ZCCHC7: variants seen among roughly 807,000 people sequenced by gnomAD.
ZCCHC7 encodes zinc finger CCHC domain-containing protein 7.
In ZCCHC7, 35 loss-of-function variants were observed where a neutral mutation model predicts 52.0. The observed-to-expected ratio is 0.67, with a 90% CI of 0.51 to 0.89. The LOEUF (loss-of-function observed/expected upper bound fraction) is 0.89. Among genes scored for constraint, ZCCHC7 ranks in the 40% least tolerant of loss-of-function variants. ZCCHC7 has a pLI of 0.00. For missense variants in ZCCHC7, 574 were observed against 649.1 expected, an observed-to-expected ratio of 0.88 and a Z score of 1.26; for synonymous variants, 217 against 221.5, an observed-to-expected ratio of 0.98 and a Z score of 0.18.
At chr9:37,154,674 A>T (rs1820714505) in intron 2 of ZCCHC7, among the ~76,000 whole-genome samples, 3 of 67,732 alleles carry the variant, frequency 4.4e-5, no homozygotes, top group Admixed American at 3.5e-4. Flanking sequence ...TTTTTTTTTT[A>T]AATAGGGACG....
intron 2 of ZCCHC7, among the ~76,000 whole-genome samples, chr9:37,163,400 A>AG (rs1821224164): frequency 6.6e-6 from 1 of 151,540 alleles, no homozygotes; most frequent in East Asian, 1.9e-4. Flanking sequence ...AAAAAAAAAA[A>AG]AAAAGAAAAG....
chr9:37,302,284 G>T, intron 3 of ZCCHC7, 53 bp downstream of exon 3: 1 of 1,409,500 alleles, frequency 7.1e-7, no homozygotes, highest in Middle Eastern at 1.8e-4. Context: ...TTGCTTCATA[G>T]TTTATTATGA....
chr9:37,209,793 G>A (rs1032772859), intron 2 of ZCCHC7, among the ~76,000 whole-genome samples: 5 of 152,084 alleles, frequency 3.3e-5, no homozygotes, highest in African/African-American at 1.2e-4. Context: ...GTTAGGTAGG[G>A]GTGTGTTCTG....
chr9:37,260,500 C>T (rs781372952), intron 2 of ZCCHC7, among the ~76,000 whole-genome samples: 29 of 152,152 alleles, frequency 1.9e-4, no homozygotes, highest in East Asian at 3.8e-4. Flanking sequence ...GACAAAGGAC[C>T]GTTCAACTAA....
chr9:37,264,431 G>A (rs972641648), intron 2 of ZCCHC7, among the ~76,000 whole-genome samples: 1 of 150,582 alleles, frequency 6.6e-6, no homozygotes. Context: ...TATCAAACCT[G>A]TGTACTGATG....
intron 2 of ZCCHC7, among the ~76,000 whole-genome samples, chr9:37,170,391 A>T (rs930050954): frequency 1.3e-5 from 2 of 152,228 alleles, no homozygotes; most frequent in African/African-American, 2.4e-5. Context: ...TAAGAGTAGC[A>T]AATAGGTTTC....
At chr9:37,196,215 CA>C (rs1823277481) in intron 2 of ZCCHC7, among the ~76,000 whole-genome samples, 1 of 152,134 alleles carries the variant, frequency 6.6e-6, no homozygotes, top group African/African-American at 2.4e-5. Flanking sequence ...TTCTCTGGGT[CA>C]CTCTGTCCAG....
chr9:37,355,337 TATC>T (rs1821630403), intron 8 of ZCCHC7, among the ~76,000 whole-genome samples: 2 of 152,242 alleles, frequency 1.3e-5, no homozygotes, highest in South Asian at 4.1e-4. Flanking sequence ...ATTAATATCT[TATC>T]ATTTAAGTTT....
At chr9:37,138,865 T>C (rs1195380969) in intron 2 of ZCCHC7, among the ~76,000 whole-genome samples, 1 of 151,960 alleles carries the variant, frequency 6.6e-6, no homozygotes, top group East Asian at 1.9e-4. Context: ...CATATAGTGA[T>C]CACTTATCTA....
intron 2 of ZCCHC7, among the ~76,000 whole-genome samples, chr9:37,199,682 GTCTGTCTTTCTGTCTGTCTTTCTT>G (rs1823512530): frequency 1.5e-5 from 1 of 68,190 alleles, no homozygotes; most frequent in Non-Finnish European, 3.6e-5. Context: ...CTCTCTGTCT[GTCTGTCTTTCTGTCTGTCTTTCTT>G]TCTGTCTTTC....
intron 2 of ZCCHC7, among the ~76,000 whole-genome samples, chr9:37,200,579 T>C (rs764926721): frequency 7.2e-5 from 11 of 152,242 alleles, no homozygotes; most frequent in Admixed American, 3.3e-4. Flanking sequence ...ATGGCTGATG[T>C]GCAACTGTTG....
At chr9:37,351,940 T>C (rs1245833544) in intron 7 of ZCCHC7, among the ~76,000 whole-genome samples, 1 of 152,194 alleles carries the variant, frequency 6.6e-6, no homozygotes, top group African/African-American at 2.4e-5. Flanking sequence ...TAATTTACAA[T>C]AAAGCAAATT....
rs1588463241 is a variant in ZCCHC7 at position 37,196,174 on chromosome 9, A to G, written c.610+69232A>G. 2.0e-5 allele frequency among the ~76,000 whole-genome samples: 3 copies of G among 152,286 alleles called. No individual in the cohort carries two copies. In the South Asian group the frequency reaches 6.2e-4, roughly 32 times the overall value. On this transcript the variant is annotated intron_variant, in intron 2 of 8. Transcript: ENST00000336755. The stretch of plus-strand genomic sequence containing the variant: ...AATCAAATAATGTGCCAGTTTTATG[A>G]TTTTGACACACTCAAACCTCTGCCT...
intron 2 of ZCCHC7, among the ~76,000 whole-genome samples, chr9:37,175,739 T>C (rs1821987962): frequency 6.6e-6 from 1 of 152,136 alleles, no homozygotes; most frequent in African/African-American, 2.4e-5. Context: ...AGACTCTGTT[T>C]CAGTAAAATT....
chr9:37,159,979 G>A (rs577287218), intron 2 of ZCCHC7, among the ~76,000 whole-genome samples: 1 of 152,302 alleles, frequency 6.6e-6, no homozygotes, highest in East Asian at 1.9e-4. Context: ...AATTTAAAGA[G>A]ATTCCCTTAA....
intron 6 of ZCCHC7, among the ~76,000 whole-genome samples, chr9:37,336,105 A>G (rs1830637312): frequency 6.6e-6 from 1 of 152,170 alleles, no homozygotes; most frequent in African/African-American, 2.4e-5. Flanking sequence ...GAAACAAAAT[A>G]GCATAGCAGT....
At chr9:37,121,777 G>C (rs1842325817) in intron 1 of ZCCHC7, 1 of 152,204 alleles carries the variant, frequency 6.6e-6, no homozygotes, top group African/African-American at 2.4e-5. Context: ...CCCAAGAAGA[G>C]CTGGGACTTA....
intron 2 of ZCCHC7, among the ~76,000 whole-genome samples, chr9:37,155,290 G>A (rs1820759054): frequency 6.6e-6 from 1 of 152,048 alleles, no homozygotes; most frequent in African/African-American, 2.4e-5. Flanking sequence ...GAACCCGGGA[G>A]GCAGAGGTTT....
At position 37,354,279 on chromosome 9, in the gene ZCCHC7, A is replaced by G. The variant is rs1237869052; in HGVS notation, c.1084-431A>G. ...AGAAAAAAAGATCAAAGGGCTTAGAACTTATACCCACATTTTGGGGATAGG... is the reference window on the plus strand; with the variant it reads ...AGAAAAAAAGATCAAAGGGCTTAGAGCTTATACCCACATTTTGGGGATAGG... On this transcript the variant is annotated intron_variant, in intron 7 of 8. Transcript: ENST00000336755. The surrounding 1 kb of genome is among the most constrained non-coding windows in gnomAD (Gnocchi z 4.0). Among the ~76,000 whole-genome samples, 2 of 152,218 alleles carry G rather than the reference A, an allele frequency of 1.3e-5. No homozygotes were observed. Among genetic ancestry groups the G allele is most frequent in the Non-Finnish European group, 2.9e-5 (2 of 68,048 alleles).
Sources: allele counts gnomAD v4.1 joint callset (sites outside exome capture counted in the v4.1 genomes callset), GRCh38; gene constraint gnomAD v4.1.1; non-coding constraint Gnocchi (gnomAD v3.1); transcripts MANE v1.5; gene names NCBI Gene and HGNC (gene_info 2026-07-23, HGNC 2026-07-21).